Variants in PTPRK observed in about 807,000 individuals in gnomAD.
PTPRK encodes the protein protein tyrosine phosphatase receptor type K, also known as receptor-type tyrosine-protein phosphatase kappa.
PTPRK carries 75 observed loss-of-function variants against 178.0 expected under a neutral mutation model. The ratio of observed to expected loss-of-function variants is 0.42; its 90% CI spans 0.35 to 0.51. PTPRK has a LOEUF of 0.51. PTPRK is among the 20% of genes least tolerant of loss of function. The probability of loss-of-function intolerance (pLI) is 0.02; values close to 1 mark genes in which losing one functional copy is unlikely to be tolerated. For missense variants in PTPRK, 1,441 were observed against 1,797.8 expected (o/e 0.80, Z 3.59); for synonymous variants, 637 against 620.6 (o/e 1.03, Z -0.39).
At chr6:128,220,846 G>C (rs1311431291) in intron 5 of PTPRK, among the ~76,000 whole-genome samples, 1 of 152,154 alleles carries the variant, frequency 6.6e-6, no homozygotes, top group East Asian at 1.9e-4. Context: ...CAATGTATTG[G>C]TAAAATTTGG....
intron 13 of PTPRK, among the ~76,000 whole-genome samples, chr6:128,019,368 T>G (rs951161469): frequency 3.3e-5 from 5 of 151,954 alleles, no homozygotes; most frequent in African/African-American, 1.2e-4. Context: ...ACAATAGAGG[T>G]GTCAACCTCA....
chr6:128,210,946 T>C (rs1808042769), intron 6 of PTPRK, among the ~76,000 whole-genome samples: 1 of 152,022 alleles, frequency 6.6e-6, no homozygotes, highest in Admixed American at 6.6e-5. Flanking sequence ...TGACTCCAAA[T>C]CAAGCAACAA....
chr6:128,231,981 C>T (rs1008143809), intron 5 of PTPRK: 7 of 152,186 alleles, frequency 4.6e-5, no homozygotes, highest in Non-Finnish European at 5.9e-5. Flanking sequence ...TGGCGCTGTC[C>T]GGAATCAGGC....
intron 3 of PTPRK, among the ~76,000 whole-genome samples, chr6:128,298,523 G>A (rs1324684140): frequency 6.6e-6 from 1 of 152,032 alleles, no homozygotes; most frequent in Non-Finnish European, 1.5e-5. Flanking sequence ...TATCCACTAT[G>A]ATCAAGTGGG....
At chr6:128,336,341 T>C (rs571673866) in intron 2 of PTPRK, among the ~76,000 whole-genome samples, 8 of 152,268 alleles carry the variant, frequency 5.3e-5, no homozygotes, top group African/African-American at 9.6e-5. Flanking sequence ...ACTAATTTTT[T>C]AAAGCTTCCC....
intron 25 of PTPRK, among the ~76,000 whole-genome samples, chr6:127,980,126 C>A (rs916891485): frequency 1.2e-4 from 19 of 152,178 alleles, no homozygotes; most frequent in African/African-American, 4.1e-4. Flanking sequence ...ATCTGACCAA[C>A]ATGGTGAAAC....
chr6:128,514,475 C>A (rs369169120), intron 1 of PTPRK, among the ~76,000 whole-genome samples: 2 of 152,070 alleles, frequency 1.3e-5, no homozygotes, highest in Non-Finnish European at 2.9e-5. Context: ...AACTCCACTA[C>A]GCACTATTTT....
chr6:128,291,586 C>T (rs1823391583), intron 3 of PTPRK, among the ~76,000 whole-genome samples: 1 of 152,078 alleles, frequency 6.6e-6, no homozygotes, highest in Non-Finnish European at 1.5e-5. Context: ...AATCAATACC[C>T]ATTGATACCA....
intron 6 of PTPRK, among the ~76,000 whole-genome samples, chr6:128,212,465 C>T (rs991583220): frequency 3.3e-5 from 5 of 151,928 alleles, no homozygotes; most frequent in African/African-American, 7.2e-5. Flanking sequence ...CGAAGACACT[C>T]GGGCCATGTA....
chr6:128,151,280 A>G (rs1308134585), intron 7 of PTPRK, among the ~76,000 whole-genome samples: 1 of 152,062 alleles, frequency 6.6e-6, no homozygotes, highest in African/African-American at 2.4e-5. Flanking sequence ...TTAAAATCCC[A>G]TATGATTGCT....
At chr6:128,240,630 A>T (rs1390401431) in intron 4 of PTPRK, among the ~76,000 whole-genome samples, 3 of 152,162 alleles carry the variant, frequency 2.0e-5, no homozygotes, top group Non-Finnish European at 4.4e-5. Context: ...TCTTTTTTTA[A>T]AAAAAACATC....
At chr6:128,035,386 A>T (rs1304414540) in intron 13 of PTPRK, among the ~76,000 whole-genome samples, 2 of 151,900 alleles carry the variant, frequency 1.3e-5, no homozygotes, top group Non-Finnish European at 2.9e-5. Flanking sequence ...AAATAAATAA[A>T]TAATTACATT....
chr6:128,080,033 AC>A (rs1784535344), intron 10 of PTPRK, among the ~76,000 whole-genome samples: 1 of 148,380 alleles, frequency 6.7e-6, no homozygotes, highest in African/African-American at 2.5e-5. Flanking sequence ...GGGGGGTCAC[AC>A]TTTTTTCATT....
chr6:128,119,835 TTAAGG>T (rs1302216911), intron 7 of PTPRK, among the ~76,000 whole-genome samples: 2 of 152,036 alleles, frequency 1.3e-5, no homozygotes, highest in Non-Finnish European at 2.9e-5. Context: ...ATTTTAAAAA[TTAAGG>T]AAAGTTTGGA....
chr6:128,174,216 G>C (rs1800717272), intron 7 of PTPRK, among the ~76,000 whole-genome samples: 1 of 151,924 alleles, frequency 6.6e-6, no homozygotes, highest in Non-Finnish European at 1.5e-5. Context: ...CTCATACATT[G>C]TGCTAAGTAA....
At chr6:127,986,022 AT>A (rs1253344578) in intron 21 of PTPRK, 147 bp from the exon 22 acceptor site, 4 of 663,822 alleles carry the variant, frequency 6.0e-6, no homozygotes, top group Non-Finnish European at 9.1e-6. Flanking sequence ...AAAAAAAAAT[AT>A]AATAAAATGA....
intron 3 of PTPRK, among the ~76,000 whole-genome samples, chr6:128,286,384 G>A (rs1430770135): frequency 6.6e-6 from 1 of 152,050 alleles, no homozygotes; most frequent in Non-Finnish European, 1.5e-5. Flanking sequence ...GCCCCACAGT[G>A]CACTGAGCTT....
chr6:128,160,574 A>T (rs1165853002), intron 7 of PTPRK, among the ~76,000 whole-genome samples: 1 of 151,600 alleles, frequency 6.6e-6, no homozygotes, highest in East Asian at 1.9e-4. Context: ...AAGTTATAGC[A>T]ACTCTTTTCA....
chr6:128,470,662 G>T (rs1420233712), intron 1 of PTPRK, among the ~76,000 whole-genome samples: 1 of 150,988 alleles, frequency 6.6e-6, no homozygotes, highest in South Asian at 2.1e-4. Flanking sequence ...TCAATATTGT[G>T]CAGAATTTTT....
Sources: allele counts gnomAD v4.1 joint callset (sites outside exome capture counted in the v4.1 genomes callset), GRCh38; gene constraint gnomAD v4.1.1; transcripts MANE v1.5; gene names NCBI Gene and HGNC (gene_info 2026-07-23, HGNC 2026-07-21).